Variants in FAM20C observed in about 807,000 individuals in gnomAD.
FAM20C encodes the protein extracellular serine/threonine protein kinase FAM20C.
In FAM20C, 40 loss-of-function variants were observed where a neutral mutation model predicts 51.5. The observed-to-expected ratio is 0.78, with a 90% CI of 0.60 to 1.01. The LOEUF is 1.01. Ranked by LOEUF, FAM20C falls within the 50% of genes least tolerant of loss-of-function variation. FAM20C has a pLI of 0.00. For synonymous variants in FAM20C, 406 were observed against 380.6 expected, an observed-to-expected ratio of 1.07 and a Z score of -0.78; for missense variants, 861 against 844.7, an observed-to-expected ratio of 1.02 and a Z score of -0.24.
At chr7:200,959 ACCAGGTC>A (rs952442545) in intron 2 of FAM20C, among the ~76,000 whole-genome samples, 5 of 152,040 alleles carry the variant, frequency 3.3e-5, no homozygotes, top group Admixed American at 3.3e-4. Context: ...TTTCCTCAAA[ACCAGGTC>A]CCTCGGTGCC....
Position 259,626 on chromosome 7 carries a change from G to C in FAM20C, c.1506-105G>C, listed in dbSNP as rs140580262. ...TCTCTGTCCCCCTCTTTCTCTCTCT[G>C]TCTCTCCCCCCACTCTCTCGATCTC... On this transcript the variant is annotated intron_variant, in intron 9 of 9. Coordinates refer to ENST00000313766, the MANE Select transcript of FAM20C (RefSeq NM_020223.4). The C allele has an allele frequency of 4.5e-3, 5,390 of 1,185,624 alleles. 174 individuals carry two copies. The East Asian group carries it at 0.08, about 18-fold the overall frequency. 73.4% of individuals were successfully genotyped at this position (1,185,624 alleles called of 1,614,324 possible).
chr7:259,993 G>A lies in FAM20C; in HGVS notation c.*13G>A, dbSNP rs1023599320. ...CTCGGCGAGGTAGTGTCCGCCGGCC[G>A]CTGCGCTGCCCGGGACGGAGACAGA... On this transcript the variant is annotated 3_prime_UTR_variant, in exon 10 of 10. Coordinates refer to ENST00000313766, the MANE Select transcript of FAM20C (RefSeq NM_020223.4). The A allele has an allele frequency of 2.7e-4, 410 of 1,501,118 alleles. No individual in the cohort carries two copies. Among genetic ancestry groups the A allele is most frequent in the Non-Finnish European group, 3.3e-4 (373 of 1,122,250 alleles). 93.0% of individuals were successfully genotyped at this position (1,501,118 alleles called of 1,614,324 possible).
At chr7:230,235 A>G (rs1455645309) in intron 3 of FAM20C, among the ~76,000 whole-genome samples, 1 of 152,082 alleles carries the variant, frequency 6.6e-6, no homozygotes. Context: ...AAGGGGATGC[A>G]GGGCTGCAGT....
rs181502592 is a variant in FAM20C, at chr7:258,900, C to A, written c.1505+195C>A. Among the ~76,000 whole-genome samples the A allele has an allele frequency of 5.6e-3, 858 of 152,324 alleles. 8 individuals carry two copies. The highest frequency in any genetic ancestry group is 5.7e-3 in the Non-Finnish European group (388 of 68,018). On this transcript the variant is annotated intron_variant, in intron 9 of 9. Coordinates refer to ENST00000313766, the MANE Select transcript of FAM20C (RefSeq NM_020223.4). ...AGGCGCAGACCTCACCCGCCCACCA[C>A]CCCAGGCCCATCCAGCTCGAGCCCC...
chr7:220,545 C>T (rs116576557), intron 3 of FAM20C, among the ~76,000 whole-genome samples: 1,653 of 152,318 alleles, frequency 0.011, 30 homozygotes, highest in African/African-American at 0.036. Flanking sequence ...CTTCTGGGGT[C>T]TCTCCCACAA....
chr7:218,024 C>T (rs1243588765), intron 3 of FAM20C, among the ~76,000 whole-genome samples: 3 of 152,170 alleles, frequency 2.0e-5, no homozygotes, highest in Non-Finnish European at 4.4e-5. Context: ...GCTTTGTTAG[C>T]AGGACGTGTG....
At chr7:234,216 C>G (rs1358395759) in intron 3 of FAM20C, among the ~76,000 whole-genome samples, 1 of 152,256 alleles carries the variant, frequency 6.6e-6, no homozygotes, top group Non-Finnish European at 1.5e-5. Context: ...CCGGTTCTGC[C>G]GAGTCCCCCT....
At chr7:248,171 T>G in intron 4 of FAM20C, 144 bp from the exon 5 acceptor site, 1 of 527,878 alleles carries the variant, frequency 1.9e-6, no homozygotes, top group Non-Finnish European at 3.4e-6. Context: ...TAGGGCTGGG[T>G]TTATTCGGAG....
chr7:211,486 C>G (rs1190846551), intron 3 of FAM20C, among the ~76,000 whole-genome samples: 1 of 150,238 alleles, frequency 6.7e-6, no homozygotes, highest in Non-Finnish European at 1.5e-5. Context: ...CCAGCGTGGC[C>G]ACATGAGGGG....
chr7:256,135 T>G (rs1788582126), intron 6 of FAM20C, 106 bp downstream of exon 6: 9 of 1,337,156 alleles, frequency 6.7e-6, no homozygotes, highest in Non-Finnish European at 1.0e-6. Context: ...CAGAGATGGG[T>G]GCAGAGCCTG....
intron 5 of FAM20C, among the ~76,000 whole-genome samples, chr7:249,048 A>T (rs1197983459): frequency 6.6e-6 from 1 of 152,070 alleles, no homozygotes; most frequent in Non-Finnish European, 1.5e-5. Context: ...GCACAGAGAG[A>T]CTGTTTCTTC....
chr7:210,574 G>C (rs909849018), intron 3 of FAM20C, among the ~76,000 whole-genome samples: 3 of 152,068 alleles, frequency 2.0e-5, no homozygotes, highest in Admixed American at 1.3e-4. Context: ...GGGCACGGCT[G>C]GGGGAGGCAG....
intron 5 of FAM20C, among the ~76,000 whole-genome samples, chr7:253,136 T>TTGAAGGAGAC (rs1207512611): frequency 2.0e-5 from 3 of 152,176 alleles, no homozygotes; most frequent in Non-Finnish European, 2.9e-5. Context: ...TAAATGCAGG[T>TTGAAGGAGAC]TGCAGGAGAC....
intron 3 of FAM20C, among the ~76,000 whole-genome samples, chr7:211,709 G>T (rs933590441): frequency 1.3e-5 from 2 of 152,232 alleles, no homozygotes; most frequent in African/African-American, 4.8e-5. Context: ...GTGGGGGCCG[G>T]GTTACAGCAT....
At chr7:204,992 G>C (rs536085037) in intron 2 of FAM20C, among the ~76,000 whole-genome samples, 4 of 152,262 alleles carry the variant, frequency 2.6e-5, no homozygotes, top group Non-Finnish European at 5.9e-5. Flanking sequence ...AGCACTCACA[G>C]CATTGCCCCC....
chr7:218,549 G>A (rs990797504), intron 3 of FAM20C, among the ~76,000 whole-genome samples: 1 of 152,098 alleles, frequency 6.6e-6, no homozygotes, highest in Non-Finnish European at 1.5e-5. Context: ...GGCGGGGCAG[G>A]GTCTGAGTGA....
chr7:198,645 A>T lies in FAM20C; in HGVS notation c.784+2913A>T, dbSNP rs75268097. On this transcript the variant is annotated intron_variant, in intron 2 of 9. Transcript: ENST00000313766. Reference sequence around the variant, plus strand: ...CCACGTGTGCCTTTGTCATCGAAATACCTGCAGTTCCCAAATACATCTGGC... The same window carrying T: ...CCACGTGTGCCTTTGTCATCGAAATTCCTGCAGTTCCCAAATACATCTGGC... 4.3e-3 allele frequency among the ~76,000 whole-genome samples: 660 copies of T among 152,290 alleles called. 3 individuals carry two copies. Among genetic ancestry groups the T allele is most frequent in the Non-Finnish European group, 7.5e-3 (508 of 68,034 alleles).
chr7:218,170 C>G (rs1787092133), intron 3 of FAM20C, among the ~76,000 whole-genome samples: 1 of 152,222 alleles, frequency 6.6e-6, no homozygotes, highest in South Asian at 2.1e-4. Context: ...ACAGCGTTCA[C>G]CCGGCAGCTC....
intron 8 of FAM20C, among the ~76,000 whole-genome samples, chr7:257,850 GCCTGGGGTGCTGGAGATGGGGCT>G (rs1170087674): frequency 4.8e-5 from 6 of 123,902 alleles, no homozygotes; most frequent in Non-Finnish European, 6.9e-5. Flanking sequence ...TGGACCCACT[GCCTGGGGTGCTGGAGATGGGGCT>G]GGGTGGACCC....
Sources: gnomAD v4.1 joint callset for allele counts (sites outside exome capture counted in the v4.1 genomes callset) on GRCh38, gnomAD v4.1.1 for gene constraint, MANE v1.5 for transcripts, NCBI Gene and HGNC (gene_info 2026-07-23, HGNC 2026-07-21) for gene names.